Variants in ARHGAP24 observed in about 807,000 individuals in gnomAD.
ARHGAP24 encodes rho GTPase-activating protein 24.
Under a neutral mutation model 76.4 loss-of-function variants are expected in ARHGAP24, and 50 were observed. The observed-to-expected ratio is 0.65, with a 90% CI of 0.52 to 0.83. The LOEUF (loss-of-function observed/expected upper bound fraction) is 0.83. ARHGAP24 is among the 40% of genes least tolerant of loss of function. The pLI is 0.00. For synonymous variants in ARHGAP24, 345 were observed against 323.3 expected (o/e 1.07, Z -0.72); for missense variants, 930 against 914.2 (o/e 1.02, Z -0.22).
chr4:85,700,813 G>GA (rs376972892), intron 2 of ARHGAP24, among the ~76,000 whole-genome samples: 8 of 151,974 alleles, frequency 5.3e-5, no homozygotes, highest in Non-Finnish European at 8.8e-5. Flanking sequence ...TATCACTAGA[G>GA]AAAAAAATGG....
At chr4:85,710,129 G>A (rs368864883) in intron 2 of ARHGAP24, among the ~76,000 whole-genome samples, 3 of 151,390 alleles carry the variant, frequency 2.0e-5, no homozygotes, top group East Asian at 2.0e-4. Flanking sequence ...ACTACACAGC[G>A]AAAATAGCCT....
At chr4:85,826,201 A>G (rs1729704928) in intron 3 of ARHGAP24, among the ~76,000 whole-genome samples, 1 of 152,168 alleles carries the variant, frequency 6.6e-6, no homozygotes, top group African/African-American at 2.4e-5. Flanking sequence ...TTGTAGAGAA[A>G]TTAGCATGAA....
At chr4:85,606,796 A>G (rs1478036859) in intron 2 of ARHGAP24, among the ~76,000 whole-genome samples, 1 of 152,192 alleles carries the variant, frequency 6.6e-6, no homozygotes, top group African/African-American at 2.4e-5. Context: ...TAAATACATA[A>G]ATGTGTAATG....
intron 3 of ARHGAP24, among the ~76,000 whole-genome samples, chr4:85,740,224 G>GGT (rs1725763535): frequency 6.9e-6 from 1 of 144,522 alleles, no homozygotes; most frequent in Non-Finnish European, 1.5e-5. Flanking sequence ...TGTTGTTGGG[G>GGT]TTTTTTTTTT....
chr4:85,943,379 C>A (rs1737060249), intron 5 of ARHGAP24, among the ~76,000 whole-genome samples: 1 of 152,276 alleles, frequency 6.6e-6, no homozygotes, highest in African/African-American at 2.4e-5. Flanking sequence ...CTGATGAGGA[C>A]TTGATCTCAG....
At chr4:85,496,378 G>C (rs1438470069) in intron 1 of ARHGAP24, among the ~76,000 whole-genome samples, 1 of 152,224 alleles carries the variant, frequency 6.6e-6, no homozygotes, top group Non-Finnish European at 1.5e-5. Flanking sequence ...AGCAGAAATA[G>C]GTCTATCACA....
intron 2 of ARHGAP24, among the ~76,000 whole-genome samples, chr4:85,657,270 A>G (rs1722210094): frequency 6.6e-6 from 1 of 152,200 alleles, no homozygotes; most frequent in Non-Finnish European, 1.5e-5. Context: ...TTGTGTTTTA[A>G]TAATGTGCTA....
rs58655677 is a variant in ARHGAP24 at position 85,740,238 on chromosome 4, T to TA, written c.268+18267dup. ...TTGTTGTTGGGGTTTTTTTTTTTTTTAGACGGAGTGTTCCTCTGTCGTCCA... is the reference window on the plus strand; with the variant it reads ...TTGTTGTTGGGGTTTTTTTTTTTTTTAAGACGGAGTGTTCCTCTGTCGTCCA... On this transcript the variant is annotated intron_variant, in intron 3 of 9. Transcript: ENST00000395184. Among the ~76,000 whole-genome samples, 3 of 134,810 alleles carry TA rather than the reference T, an allele frequency of 2.2e-5. No homozygotes were observed. The East Asian group carries it at 5.9e-4, about 27-fold the overall frequency. 88.4% of individuals were successfully genotyped at this position (134,810 alleles called of 152,430 possible).
chr4:85,726,472 G>A (rs1725171006), intron 3 of ARHGAP24, among the ~76,000 whole-genome samples: 1 of 152,078 alleles, frequency 6.6e-6, no homozygotes, highest in Non-Finnish European at 1.5e-5. Context: ...CTGATCCAGT[G>A]GGGTCCCCTG....
At chr4:85,742,619 C>T (rs186099414) in intron 3 of ARHGAP24, among the ~76,000 whole-genome samples, 56 of 152,262 alleles carry the variant, frequency 3.7e-4, no homozygotes, top group African/African-American at 9.1e-4. Context: ...CCATTAAAAT[C>T]GGTTCTTTGA....
At chr4:85,739,605 A>G (rs902077642) in intron 3 of ARHGAP24, among the ~76,000 whole-genome samples, 1 of 125,670 alleles carries the variant, frequency 8.0e-6, no homozygotes, top group African/African-American at 3.0e-5. Context: ...TGAAAACTCC[A>G]CGTTCAATCT....
In ARHGAP24 at chr4:85,485,777, C is replaced by T. The variant is rs568395811; in HGVS notation, c.-21+10218C>T. On this transcript the variant is annotated intron_variant, in intron 1 of 9. Coordinates refer to ENST00000395184, the MANE Select transcript of ARHGAP24 (RefSeq NM_001025616.3). ...TTTGAGACAGTCTCACTTTGTCACC[C>T]AGGCTGGAGTGCAGTGGTGATCTTG... 2.0e-5 allele frequency among the ~76,000 whole-genome samples: 3 copies of T among 151,602 alleles called. No individual in the cohort carries two copies. In the East Asian group the frequency reaches 5.8e-4, roughly 29 times the overall value.
intron 1 of ARHGAP24, among the ~76,000 whole-genome samples, chr4:85,538,217 C>T (rs4321627): frequency 0.12 from 18,690 of 152,000 alleles, 3,225 homozygotes; most frequent in African/African-American, 0.39. Flanking sequence ...ATTTGCTCAA[C>T]AGTTTTAATA....
chr4:85,606,795 A>G (rs1720210198), intron 2 of ARHGAP24, among the ~76,000 whole-genome samples: 1 of 152,196 alleles, frequency 6.6e-6, no homozygotes, highest in Non-Finnish European at 1.5e-5. Context: ...ATAAATACAT[A>G]AATGTGTAAT....
chr4:85,777,963 T>G (rs1289582393), intron 3 of ARHGAP24, among the ~76,000 whole-genome samples: 5 of 152,110 alleles, frequency 3.3e-5, no homozygotes, highest in Non-Finnish European at 7.4e-5. Flanking sequence ...TCAACAATAA[T>G]CAAAACCAAA....
At chr4:85,705,251 A>T (rs1403792728) in intron 2 of ARHGAP24, among the ~76,000 whole-genome samples, 2 of 152,110 alleles carry the variant, frequency 1.3e-5, no homozygotes, top group African/African-American at 4.8e-5. Flanking sequence ...GGATATATTT[A>T]AAAATTATTT....
chr4:85,490,600 T>C (rs1723311437), intron 1 of ARHGAP24, among the ~76,000 whole-genome samples: 1 of 152,236 alleles, frequency 6.6e-6, no homozygotes, highest in Admixed American at 6.5e-5. Flanking sequence ...GCATCATTAT[T>C]GTCTGACCAT....
At chr4:85,886,499 T>C (rs911219209) in intron 3 of ARHGAP24, among the ~76,000 whole-genome samples, 3 of 152,166 alleles carry the variant, frequency 2.0e-5, no homozygotes, top group Non-Finnish European at 2.9e-5. Flanking sequence ...ACCAGGCTTG[T>C]GTGTTGCTTA....
chr4:85,942,187 G>A lies in ARHGAP24; in HGVS notation c.513G>A (p.Glu171=). The change falls in exon 5 of 10, where the codon GAG becomes GAA. Residue 171 remains glutamate, a synonymous_variant. Transcript: ENST00000395184. Reference sequence around the variant, plus strand: ...TCCGACAAAGGGGGCTGAAAGAAGAGGGTCTCTTTCGACTGCCAGGCCAGG... The same window carrying A: ...TCCGACAAAGGGGGCTGAAAGAAGAAGGTCTCTTTCGACTGCCAGGCCAGG... ...DFIRQRGLKE[E]GLFRLPGQAN... is the part of the protein sequence containing the mutation. 6.2e-7 allele frequency: 1 copy of A among 1,614,100 alleles called. No homozygotes were observed. The highest frequency in any genetic ancestry group is 8.5e-7 in the Non-Finnish European group (1 of 1,180,018).
Sources: allele counts gnomAD v4.1 joint callset (sites outside exome capture counted in the v4.1 genomes callset), GRCh38; gene constraint gnomAD v4.1.1; transcripts MANE v1.5; gene names NCBI Gene and HGNC (gene_info 2026-07-23, HGNC 2026-07-21).